The following PDE11A variants were observed in gnomAD, a reference collection of about 807,000 sequenced individuals.
PDE11A encodes phosphodiesterase 11A.
A neutral mutation model predicts 100.5 loss-of-function variants in PDE11A; 100 were observed. The observed-to-expected ratio is 1.00, with a 90% confidence interval of 0.85 to 1.18. The LOEUF (loss-of-function observed/expected upper bound fraction) is 1.18. Ranked by LOEUF, PDE11A falls within the 50% of genes most tolerant of loss-of-function variation. PDE11A has a pLI of 0.00. For synonymous variants in PDE11A, 381 were observed against 420.8 expected (o/e 0.91, Z 1.16); for missense variants, 1,141 against 1,152.6 (o/e 0.99, Z 0.15).
chr2:177,913,765 G>T (rs1386293174), intron 2 of PDE11A, among the ~76,000 whole-genome samples: 1 of 152,092 alleles, frequency 6.6e-6, no homozygotes, highest in Non-Finnish European at 1.5e-5. Flanking sequence ...CTAGGGGGTG[G>T]TTGTATCTGT....
intron 4 of PDE11A, among the ~76,000 whole-genome samples, chr2:177,888,013 A>G (rs2084469157): frequency 6.6e-6 from 1 of 152,062 alleles, no homozygotes; most frequent in Admixed American, 6.5e-5. Context: ...TAGTCATGTA[A>G]GTTAATAAAT....
At chr2:177,967,713 C>A (rs901526105) in intron 2 of PDE11A, among the ~76,000 whole-genome samples, 1 of 151,912 alleles carries the variant, frequency 6.6e-6, no homozygotes, top group Non-Finnish European at 1.5e-5. Context: ...CACACAAGCA[C>A]CTCTTCTATA....
chr2:177,666,936 T>TA (rs1559134308), intron 18 of PDE11A, among the ~76,000 whole-genome samples: 3 of 151,716 alleles, frequency 2.0e-5, no homozygotes, highest in African/African-American at 4.8e-5. Context: ...TTTATTTATT[T>TA]TGAGAGAGTC....
chr2:177,816,676 T>C (rs2083044098), intron 9 of PDE11A, among the ~76,000 whole-genome samples, 153 bp downstream of exon 9: 1 of 152,196 alleles, frequency 6.6e-6, no homozygotes, highest in African/African-American at 2.4e-5. Flanking sequence ...TGTGTTTCTC[T>C]GGACTTCATG....
chr2:177,891,813 T>C (rs1376639890), intron 4 of PDE11A, among the ~76,000 whole-genome samples: 4 of 152,250 alleles, frequency 2.6e-5, no homozygotes, highest in Non-Finnish European at 5.9e-5. Flanking sequence ...ATGGGCCAAG[T>C]TGAGTAGCTG....
At chr2:177,686,309 G>C (rs186402332) in intron 15 of PDE11A, among the ~76,000 whole-genome samples, 2 of 152,218 alleles carry the variant, frequency 1.3e-5, no homozygotes, top group East Asian at 1.9e-4. Context: ...GGTCACGCCT[G>C]TAATCCCAGT....
intron 1 of PDE11A, among the ~76,000 whole-genome samples, chr2:178,021,112 C>A (rs1182456815): frequency 6.6e-6 from 1 of 151,976 alleles, no homozygotes; most frequent in Non-Finnish European, 1.5e-5. Flanking sequence ...CAGGCATGTG[C>A]CACCACACCA....
At chr2:177,917,225 A>G (rs2084968117) in intron 2 of PDE11A, among the ~76,000 whole-genome samples, 2 of 152,138 alleles carry the variant, frequency 1.3e-5, no homozygotes, top group Non-Finnish European at 2.9e-5. Context: ...AAATCACCCA[A>G]TTCCAAATCC....
At chr2:177,660,471 T>C (rs901180447) in intron 19 of PDE11A, among the ~76,000 whole-genome samples, 1 of 152,190 alleles carries the variant, frequency 6.6e-6, no homozygotes, top group Non-Finnish European at 1.5e-5. Context: ...TTCTGTTTTA[T>C]TTAAATATTT....
rs758882128 is a variant in PDE11A, at chr2:177,711,852, G to T, written c.2070C>A (p.Thr690=). The T allele has an allele frequency of 1.9e-6, 3 of 1,610,934 alleles. No homozygotes were observed. The highest frequency in any genetic ancestry group is 1.1e-5 in the South Asian group (1 of 90,990). Residue 690 remains threonine (T), a synonymous_variant, in exon 13 of 20, where the codon ACC becomes ACA. Coordinates refer to ENST00000286063, the MANE Select transcript of PDE11A (RefSeq NM_016953.4). ...CAATCACCGCTAAAATTTCCACCTC[G>T]GTCAGAATGTCTTGAAACCCAGCAG... ...LTTAGFQDIL[T]EVEILAVIVG...
chr2:178,084,731 A>G (rs1347309164), intron 2 of PDE11A, among the ~76,000 whole-genome samples: 1 of 151,874 alleles, frequency 6.6e-6, no homozygotes, highest in East Asian at 1.9e-4. Context: ...AAATGCGTAT[A>G]CATGTTTATG....
At chr2:177,812,124 C>T (rs777423852) in intron 9 of PDE11A, among the ~76,000 whole-genome samples, 18 of 152,204 alleles carry the variant, frequency 1.2e-4, no homozygotes, top group Non-Finnish European at 2.1e-4. Flanking sequence ...AAACACTTTC[C>T]CTGTAATTTT....
chr2:178,068,126 A>G (rs2087073235), intron 1 of PDE11A, among the ~76,000 whole-genome samples: 1 of 152,070 alleles, frequency 6.6e-6, no homozygotes, highest in South Asian at 2.1e-4. Flanking sequence ...CTTGAGGGCA[A>G]TTTTTTCATT....
intron 6 of PDE11A, among the ~76,000 whole-genome samples, chr2:177,835,886 C>T (rs975198732): frequency 7.9e-5 from 12 of 152,230 alleles, no homozygotes; most frequent in African/African-American, 1.7e-4. Context: ...CTCAAATTCT[C>T]GCTGGGCCTC....
chr2:177,648,039 G>C (rs1457491574), intron 19 of PDE11A, among the ~76,000 whole-genome samples: 1 of 152,100 alleles, frequency 6.6e-6, no homozygotes, highest in Non-Finnish European at 1.5e-5. Flanking sequence ...TTGAACTCAG[G>C]AGTTCAAGGT....
chr2:177,992,471 A>AGCC (rs2086016217), intron 2 of PDE11A, among the ~76,000 whole-genome samples: 1 of 143,654 alleles, frequency 7.0e-6, no homozygotes, highest in Admixed American at 7.1e-5. Context: ...TATTTCTACC[A>AGCC]TTCATGCTAT....
chr2:177,998,224 G>A, intron 2 of PDE11A: 1 of 824,458 alleles, frequency 1.2e-6, no homozygotes, highest in Admixed American at 1.7e-5. Flanking sequence ...ACATCTTCTA[G>A]GACGTGTTTG....
At chr2:177,885,444 A>G (rs993860899) in intron 4 of PDE11A, among the ~76,000 whole-genome samples, 5 of 152,172 alleles carry the variant, frequency 3.3e-5, no homozygotes, top group African/African-American at 1.2e-4. Flanking sequence ...CTGTCCTGGA[A>G]CCAATACCCA....
intron 17 of PDE11A, among the ~76,000 whole-genome samples, chr2:177,670,178 G>A (rs775351168): frequency 3.9e-5 from 6 of 152,248 alleles, no homozygotes; most frequent in Middle Eastern, 3.4e-3. Context: ...AGTAGGTCAC[G>A]GTATAGTTTG....
Sources: allele counts gnomAD v4.1 joint callset (sites outside exome capture counted in the v4.1 genomes callset), GRCh38; gene constraint gnomAD v4.1.1; transcripts MANE v1.5; gene names NCBI Gene and HGNC (gene_info 2026-07-23, HGNC 2026-07-21).